Variants in CNTNAP2 observed in about 807,000 individuals in gnomAD.
The protein encoded by CNTNAP2 is contactin-associated protein-like 2.
In CNTNAP2, 98 loss-of-function variants were observed where a neutral mutation model predicts 155.2. The ratio of observed to expected loss-of-function variants is 0.63; its 90% CI spans 0.54 to 0.75. The LOEUF (loss-of-function observed/expected upper bound fraction) is 0.75. CNTNAP2 is among the 30% of genes least tolerant of loss of function. The pLI is 0.00. For missense variants in CNTNAP2, 1,727 were observed against 1,688.1 expected, an observed-to-expected ratio of 1.02 and a Z score of -0.40; for synonymous variants, 651 against 631.2, an observed-to-expected ratio of 1.03 and a Z score of -0.47.
intron 8 of CNTNAP2, among the ~76,000 whole-genome samples, chr7:147,299,386 C>A (rs1389972464): frequency 2.0e-5 from 3 of 151,438 alleles, no homozygotes; most frequent in African/African-American, 7.3e-5. Flanking sequence ...TATCAAGCAA[C>A]AATGAAGTGC....
chr7:148,185,784 A>G (rs1795106753), intron 18 of CNTNAP2, among the ~76,000 whole-genome samples: 1 of 152,238 alleles, frequency 6.6e-6, no homozygotes, highest in African/African-American at 2.4e-5. Flanking sequence ...TTATAAAGGA[A>G]TCTTGTAAAT....
intron 18 of CNTNAP2, among the ~76,000 whole-genome samples, chr7:148,179,161 G>T (rs1431090179): frequency 6.6e-6 from 1 of 152,100 alleles, no homozygotes; most frequent in Non-Finnish European, 1.5e-5. Context: ...ACCAAGTTGG[G>T]TCACCTTAGT....
chr7:147,580,137 T>G (rs1414584727), intron 12 of CNTNAP2, among the ~76,000 whole-genome samples: 2 of 152,126 alleles, frequency 1.3e-5, no homozygotes, highest in African/African-American at 4.8e-5. Flanking sequence ...ATCTGTCCTT[T>G]AGACAGTCTC....
At chr7:146,318,886 T>C (rs1800953796) in intron 1 of CNTNAP2, among the ~76,000 whole-genome samples, 1 of 152,296 alleles carries the variant, frequency 6.6e-6, no homozygotes. Context: ...ATAATATGTA[T>C]GTATAATCTT....
rs143198267 is a variant in CNTNAP2 at position 146,867,267 on chromosome 7, TG to T, written c.402+27365del. 7.0e-3 allele frequency among the ~76,000 whole-genome samples: 1,059 copies of T among 152,206 alleles called. 12 individuals are homozygous for T. The highest frequency in any genetic ancestry group is 0.024 in the African/African-American group (1,012 of 41,564). The stretch of plus-strand genomic sequence containing the variant: ...GCTCCCATTTCTAAGTAGGAACATG[TG>T]GTATTTGGTTTTCTGTTCTTGTGTT... On this transcript the variant is annotated intron_variant, in intron 3 of 23. Coordinates refer to ENST00000361727, the MANE Select transcript of CNTNAP2 (RefSeq NM_014141.6).
rs901306308 is a variant in CNTNAP2, at chr7:147,585,735, C to G, written c.1897+23478C>G. Among the ~76,000 whole-genome samples, 18 of 150,514 alleles carry G rather than the reference C, an allele frequency of 1.2e-4. No homozygotes were observed. In the East Asian group the frequency reaches 3.5e-3, roughly 29 times the overall value. On this transcript the variant is annotated intron_variant, in intron 12 of 23. Transcript: ENST00000361727. ...CTATGGAATTTCTGTGGTGTTTTAC[C>G]TCTCTAAAAGTGTGTGTGTGTCTGT...
chr7:147,226,777 T>C (rs1175935258), intron 8 of CNTNAP2, among the ~76,000 whole-genome samples: 1 of 152,232 alleles, frequency 6.6e-6, no homozygotes, highest in Non-Finnish European at 1.5e-5. Context: ...TCCGCTCTTT[T>C]ACTATTCCGT....
chr7:146,410,665 T>C (rs996197778), intron 1 of CNTNAP2, among the ~76,000 whole-genome samples: 4 of 152,180 alleles, frequency 2.6e-5, no homozygotes, highest in African/African-American at 9.7e-5. Flanking sequence ...TACCCTCTGA[T>C]AGACTTGAGT....
intron 15 of CNTNAP2, among the ~76,000 whole-genome samples, chr7:147,995,590 C>T (rs1801789482): frequency 1.3e-5 from 2 of 150,468 alleles, no homozygotes; most frequent in Admixed American, 1.3e-4. Flanking sequence ...TGCAGTGGTG[C>T]AACCTCAGCT....
chr7:147,347,731 T>A (rs1309313915), intron 9 of CNTNAP2, among the ~76,000 whole-genome samples: 1 of 151,952 alleles, frequency 6.6e-6, no homozygotes, highest in Non-Finnish European at 1.5e-5. Context: ...AAAGCAATCC[T>A]GAGCAAAAAG....
At position 148,417,750 on chromosome 7, in the gene CNTNAP2, A is replaced by T. The variant is rs1480878081; in HGVS notation, c.*2134A>T. ...ACTTACCAAATAATGCCAGATGGAAATTTATTATTTCTTGCAATTCCCATG... is the reference window on the plus strand; with the variant it reads ...ACTTACCAAATAATGCCAGATGGAATTTTATTATTTCTTGCAATTCCCATG... On this transcript the variant is annotated 3_prime_UTR_variant, in exon 24 of 24. Transcript: ENST00000361727. 6.6e-6 allele frequency: 1 copy of T among 152,210 alleles called. No homozygotes were observed. Among genetic ancestry groups the T allele is most frequent in the Non-Finnish European group, 1.5e-5 (1 of 68,042 alleles). The allele number at this position is 152,210 out of a possible 1,614,324, so 9.4% of individuals were successfully genotyped here.
intron 9 of CNTNAP2, among the ~76,000 whole-genome samples, chr7:147,366,775 T>TTGCA (rs1207281882): frequency 2.2e-5 from 2 of 89,866 alleles, no homozygotes; most frequent in African/African-American, 9.0e-5. Context: ...TACGAATTTG[T>TTGCA]TGCACGCACA....
At chr7:147,268,629 T>C (rs573184581) in intron 8 of CNTNAP2, among the ~76,000 whole-genome samples, 4 of 152,170 alleles carry the variant, frequency 2.6e-5, no homozygotes, top group Admixed American at 1.3e-4. Flanking sequence ...CTGCATGTTC[T>C]GCACATGTAT....
At chr7:146,661,929 A>T (rs576938327) in intron 1 of CNTNAP2, among the ~76,000 whole-genome samples, 98 of 152,256 alleles carry the variant, frequency 6.4e-4, no homozygotes, top group African/African-American at 2.3e-3. Flanking sequence ...CAAAAAATAT[A>T]AAAGTTTTAG....
chr7:147,377,904 A>T, intron 9 of CNTNAP2: 1 of 406,608 alleles, frequency 2.5e-6, no homozygotes, highest in Non-Finnish European at 4.9e-6. Flanking sequence ...CTTTATAAAA[A>T]TGTTTAATTG....
intron 10 of CNTNAP2, among the ~76,000 whole-genome samples, chr7:147,485,049 G>A (rs1212577084): frequency 6.6e-6 from 1 of 152,114 alleles, no homozygotes; most frequent in African/African-American, 2.4e-5. Flanking sequence ...CAGGAGAAAG[G>A]GTTTGTGCCA....
At chr7:146,717,537 A>C (rs973771362) in intron 1 of CNTNAP2, among the ~76,000 whole-genome samples, 12 of 152,138 alleles carry the variant, frequency 7.9e-5, no homozygotes, top group Admixed American at 6.5e-4. Flanking sequence ...ATGTAAAAGA[A>C]GCATCTGACA....
chr7:147,341,165 G>A lies in CNTNAP2; in HGVS notation c.1498+40875G>A, dbSNP rs540063980. Reference sequence around the variant, plus strand: ...AGAATATCTGCTCCATTGCAGCCATGTAAAAATTGTATGTAGACAAGAACA... The same window carrying A: ...AGAATATCTGCTCCATTGCAGCCATATAAAAATTGTATGTAGACAAGAACA... On this transcript the variant is annotated intron_variant, in intron 9 of 23. Transcript: ENST00000361727. Among the ~76,000 whole-genome samples, 5 of 151,576 alleles carry A rather than the reference G, an allele frequency of 3.3e-5. No individual in the cohort carries two copies. The South Asian group carries it at 1.0e-3, about 32-fold the overall frequency.
At chr7:146,696,873 A>G (rs187871140) in intron 1 of CNTNAP2, among the ~76,000 whole-genome samples, 1 of 152,180 alleles carries the variant, frequency 6.6e-6, no homozygotes, top group African/African-American at 2.4e-5. Flanking sequence ...GTGTAACAGT[A>G]TACTTTAAAT....
Sources: allele counts gnomAD v4.1 joint callset (sites outside exome capture counted in the v4.1 genomes callset), GRCh38; gene constraint gnomAD v4.1.1; transcripts MANE v1.5; gene names NCBI Gene and HGNC (gene_info 2026-07-23, HGNC 2026-07-21).